Variants in CD38 observed in about 807,000 individuals in gnomAD.
The protein encoded by CD38 is ADP-ribosyl cyclase/cyclic ADP-ribose hydrolase 1.
Under a neutral mutation model 36.3 loss-of-function variants are expected in CD38, and 31 were observed. That is an observed-to-expected ratio of 0.85 (90% CI 0.64 to 1.15). The LOEUF (loss-of-function observed/expected upper bound fraction) is 1.15. CD38 is among the 50% of genes most tolerant of loss of function. The pLI, the probability that CD38 is intolerant of heterozygous loss-of-function variation, is 0.00. For synonymous variants in CD38, 131 were observed against 135.2 expected (o/e 0.97, Z 0.22); for missense variants, 380 against 371.9 (o/e 1.02, Z -0.18).
chr4:15,831,023 G>T (rs974217495), intron 3 of CD38, among the ~76,000 whole-genome samples: 6 of 151,432 alleles, frequency 4.0e-5, no homozygotes, highest in African/African-American at 1.5e-4. Flanking sequence ...ATTTTTTGTG[G>T]AACTGTTATA....
intron 2 of CD38, among the ~76,000 whole-genome samples, chr4:15,821,155 C>A (rs1298703558): frequency 1.3e-5 from 2 of 152,060 alleles, no homozygotes; most frequent in South Asian, 4.1e-4. Context: ...AAAAAAGAGA[C>A]AATGTATCAG....
chr4:15,851,292 C>T lies in CD38; in HGVS notation c.*2690C>T, dbSNP rs1724380971. ...ACTTTCTGACCTACATGTATAAATA[C>T]CCCCTCACAATATATATTACTTTTC... On this transcript the variant is annotated 3_prime_UTR_variant, in exon 8 of 8. Transcript: ENST00000226279. 6.6e-6 allele frequency: 1 copy of T among 152,136 alleles called. No homozygotes were observed. Among genetic ancestry groups the T allele is most frequent in the African/African-American group, 2.4e-5 (1 of 41,398 alleles). The allele number at this position is 152,136 out of a possible 1,614,324, so 9.4% of individuals were successfully genotyped here. A position where few individuals can be genotyped will look rare whatever the true frequency, so the allele number is the denominator to read the frequency against.
rs772900482 is a variant in CD38 at position 15,838,172 on chromosome 4, A to G, written c.659+7A>G. 10 of 1,599,912 alleles carry G rather than the reference A, an allele frequency of 6.3e-6. No individual in the cohort carries two copies. The highest frequency in any genetic ancestry group is 2.2e-5 in the East Asian group (1 of 44,810). On this transcript the variant is annotated splice_region_variant and intron_variant, in intron 5 of 7. Coordinates refer to ENST00000226279, the MANE Select transcript of CD38 (RefSeq NM_001775.4). Reference sequence around the variant, plus strand: ...AAATCTTTGACAAAAACAGGTACACATTTATTTTGCATCCTGTTTGCAAGT... The same window carrying G: ...AAATCTTTGACAAAAACAGGTACACGTTTATTTTGCATCCTGTTTGCAAGT...
intron 3 of CD38, 71 bp downstream of exon 3, chr4:15,825,087 C>G: frequency 5.4e-6 from 8 of 1,490,794 alleles, no homozygotes; most frequent in African/African-American, 2.8e-5. Context: ...GCTGGAGGCC[C>G]TGAATGATTA....
At chr4:15,805,747 G>C (rs1723327874) in intron 1 of CD38, among the ~76,000 whole-genome samples, 1 of 152,184 alleles carries the variant, frequency 6.6e-6, no homozygotes, top group Non-Finnish European at 1.5e-5. Flanking sequence ...ATTCTACTTA[G>C]ATAATCCTAA....
intron 1 of CD38, among the ~76,000 whole-genome samples, chr4:15,788,761 T>G (rs1722894513): frequency 6.6e-6 from 1 of 152,248 alleles, no homozygotes; most frequent in East Asian, 1.9e-4. Context: ...TTTCATAGCA[T>G]GCAGAATCAA....
At chr4:15,841,027 A>G (rs934381534) in intron 7 of CD38, among the ~76,000 whole-genome samples, 5 of 152,030 alleles carry the variant, frequency 3.3e-5, no homozygotes, top group African/African-American at 4.8e-5. Context: ...ACCAAAATCT[A>G]TATTTTTTAA....
chr4:15,840,493 T>C lies in CD38; in HGVS notation c.794T>C (p.Ile265Thr). ...QDPTIKELES[I>T]ISKRNIQFSC... ...CCCACCATAAAAGAGCTGGAATCGA[T>C]TATAAGCAAAAGGAATATTCAATTT... The change falls in exon 7 of 8, where the codon ATT becomes ACT. Residue 265 changes from isoleucine (I) to threonine (T), a missense_variant. Ile to Thr is a moderately conservative substitution (Grantham distance 89). Coordinates refer to ENST00000226279, the MANE Select transcript of CD38 (RefSeq NM_001775.4). 1 of 1,606,912 alleles carries C rather than the reference T, an allele frequency of 6.2e-7. No homozygotes were observed. Among genetic ancestry groups the C allele is most frequent in the South Asian group, 1.1e-5 (1 of 90,628 alleles).
intron 2 of CD38, among the ~76,000 whole-genome samples, chr4:15,822,649 G>C (rs1577652861): frequency 6.6e-6 from 1 of 152,098 alleles, no homozygotes; most frequent in Non-Finnish European, 1.5e-5. Context: ...CCTCTTCATG[G>C]ATACCTATAA....
chr4:15,801,050 GACTA>G (rs1031889424), intron 1 of CD38, among the ~76,000 whole-genome samples: 27 of 151,748 alleles, frequency 1.8e-4, no homozygotes, highest in African/African-American at 2.9e-4. Flanking sequence ...GCATTACCTA[GACTA>G]ACTAAGAAAA....
chr4:15,786,390 G>A (rs988048970), intron 1 of CD38, among the ~76,000 whole-genome samples: 3 of 152,228 alleles, frequency 2.0e-5, no homozygotes, highest in African/African-American at 7.2e-5. Flanking sequence ...ACAAAGTGCT[G>A]ATTGGTGTGT....
rs555414835 is a variant in CD38 at position 15,839,524 on chromosome 4, C to T, written c.660-502C>T. On this transcript the variant is annotated intron_variant, in intron 5 of 7. Transcript: ENST00000226279. ...CTGCAAGCTCAGCCTCCCAGGTTCA[C>T]GCCATTCTCCTCCCTCAGCCTCCTG... 1.9e-3 allele frequency among the ~76,000 whole-genome samples: 277 copies of T among 149,144 alleles called. 1 individual carries two copies. The highest frequency in any genetic ancestry group is 6.6e-3 in the African/African-American group (264 of 40,276).
chr4:15,805,007 G>A (rs537526721), intron 1 of CD38, among the ~76,000 whole-genome samples: 17 of 152,196 alleles, frequency 1.1e-4, no homozygotes, highest in South Asian at 2.1e-4. Context: ...TTGTATGCAC[G>A]TATTGAAATG....
chr4:15,848,505 T>C (rs1324559484), intron 7 of CD38, 34 bp from the exon 8 acceptor site: 1 of 1,546,772 alleles, frequency 6.5e-7, no homozygotes, highest in South Asian at 1.1e-5. Flanking sequence ...TATCCTACGG[T>C]CTCTTGATTT....
intron 2 of CD38, 120 bp from the exon 3 acceptor site, chr4:15,824,760 CT>C: frequency 1.3e-6 from 1 of 766,958 alleles, no homozygotes; most frequent in Non-Finnish European, 2.2e-6. Flanking sequence ...AATTCTTACT[CT>C]TACTATGGGT....
chr4:15,817,293 A>G (rs4698418), intron 2 of CD38, among the ~76,000 whole-genome samples: 21,390 of 152,188 alleles, frequency 0.14, 1,709 homozygotes, highest in South Asian at 0.24. Flanking sequence ...GAAAAGCTCT[A>G]TCAGAGTGCA....
intron 1 of CD38, among the ~76,000 whole-genome samples, chr4:15,783,150 A>G (rs1676288033): frequency 1.3e-5 from 2 of 152,144 alleles, no homozygotes; most frequent in Admixed American, 1.3e-4. Flanking sequence ...CACATGGCCA[A>G]GACTCAACAA....
chr4:15,786,249 C>T (rs1043812361), intron 1 of CD38, among the ~76,000 whole-genome samples: 4 of 152,224 alleles, frequency 2.6e-5, no homozygotes, highest in Non-Finnish European at 4.4e-5. Flanking sequence ...CTTTTATTCC[C>T]TTATCTGGCC....
chr4:15,788,766 A>C (rs1175405174), intron 1 of CD38, among the ~76,000 whole-genome samples: 1 of 152,256 alleles, frequency 6.6e-6, no homozygotes, highest in Non-Finnish European at 1.5e-5. Flanking sequence ...TAGCATGCAG[A>C]ATCAACACAC....
Sources: gnomAD v4.1 joint callset for allele counts (sites outside exome capture counted in the v4.1 genomes callset) on GRCh38, gnomAD v4.1.1 for gene constraint, MANE v1.5 for transcripts, NCBI Gene and HGNC (gene_info 2026-07-23, HGNC 2026-07-21) for gene names.